The following EFNA5 variants were observed in gnomAD, a reference collection of about 807,000 sequenced individuals.
EFNA5 encodes ephrin-A5.
EFNA5 carries 5 observed loss-of-function variants against 22.9 expected under a neutral mutation model. The ratio of observed to expected loss-of-function variants is 0.22; its 90% CI spans 0.11 to 0.46. EFNA5 has a LOEUF of 0.46. Ranked by LOEUF, EFNA5 falls within the 20% of genes least tolerant of loss-of-function variation. The pLI is 0.99. For synonymous variants in EFNA5, 113 were observed against 112.2 expected (o/e 1.01, Z -0.04); for missense variants, 237 against 293.3 (o/e 0.81, Z 1.40).
At chr5:107,482,515 T>C (rs559635083) in intron 1 of EFNA5, among the ~76,000 whole-genome samples, 10 of 152,142 alleles carry the variant, frequency 6.6e-5, no homozygotes, top group Admixed American at 2.6e-4. Flanking sequence ...TATTCTCAGA[T>C]AAGACCCAGA....
At chr5:107,396,419 C>A (rs932869073) in intron 2 of EFNA5, among the ~76,000 whole-genome samples, 3 of 152,186 alleles carry the variant, frequency 2.0e-5, no homozygotes, top group African/African-American at 7.2e-5. Flanking sequence ...GTGATCCCTA[C>A]AGATCTAGAA....
chr5:107,377,404 C>A lies in EFNA5; in HGVS notation c.*3851G>T, dbSNP rs1483293857. ...AAGAGACACACAAAAAATAAACATA[C>A]TAAGTAAAAGGGGGGTGGTGTAGGC... On this transcript the variant is annotated 3_prime_UTR_variant, in exon 5 of 5. Coordinates refer to ENST00000333274, the MANE Select transcript of EFNA5 (RefSeq NM_001962.3). 6.6e-6 allele frequency: 1 copy of A among 151,400 alleles called. No homozygotes were observed. Among genetic ancestry groups the A allele is most frequent in the Non-Finnish European group, 1.5e-5 (1 of 67,910 alleles). 9.4% of individuals were successfully genotyped at this position (151,400 alleles called of 1,614,324 possible).
intron 1 of EFNA5, among the ~76,000 whole-genome samples, chr5:107,542,814 C>G (rs1748075128): frequency 6.6e-6 from 1 of 152,046 alleles, no homozygotes; most frequent in Admixed American, 6.6e-5. Flanking sequence ...AATATTAGTT[C>G]AATTGTTAGA....
At chr5:107,454,777 G>A (rs1320484390) in intron 1 of EFNA5, among the ~76,000 whole-genome samples, 1 of 152,078 alleles carries the variant, frequency 6.6e-6, no homozygotes, top group African/African-American at 2.4e-5. Flanking sequence ...GGCAGGGAGG[G>A]AATGAGGAAG....
At chr5:107,544,305 C>G (rs171671) in intron 1 of EFNA5, among the ~76,000 whole-genome samples, 151,278 of 152,276 alleles carry the variant, frequency 0.99, 75,143 homozygotes, top group East Asian at 1. Context: ...CAGCCCCACA[C>G]AGGGCTTTGA....
intron 1 of EFNA5, among the ~76,000 whole-genome samples, chr5:107,615,477 A>C (rs1047037768): frequency 6.6e-6 from 1 of 152,154 alleles, no homozygotes; most frequent in East Asian, 1.9e-4. Flanking sequence ...GCGCACTTAC[A>C]GTTTTGGATT....
At chr5:107,625,546 T>C (rs892353769) in intron 1 of EFNA5, among the ~76,000 whole-genome samples, 1 of 152,190 alleles carries the variant, frequency 6.6e-6, no homozygotes, top group African/African-American at 2.4e-5. Context: ...TAATTCCTTA[T>C]TAATTGGTGT....
chr5:107,546,144 G>T (rs1478516206), intron 1 of EFNA5, among the ~76,000 whole-genome samples: 1 of 152,160 alleles, frequency 6.6e-6, no homozygotes, highest in Non-Finnish European at 1.5e-5. Flanking sequence ...GAAGTGAGAA[G>T]CAGAAAAAGG....
Position 107,379,568 on chromosome 5 carries a change from G to A in EFNA5, c.*1687C>T, listed in dbSNP as rs1179799420. 1.5e-5 allele frequency: 1 copy of A among 67,778 alleles called. No homozygotes were observed. 4.2% of individuals were successfully genotyped at this position (67,778 alleles called of 1,614,324 possible). A position where few individuals can be genotyped will look rare whatever the true frequency, so the allele number is the denominator to read the frequency against. Reference sequence around the variant, plus strand: ...AAGCCAAAAAAAAAAAAAAAAAAAGGGCTGGATTGCTTTTCAATTGGTCTA... The same window carrying A: ...AAGCCAAAAAAAAAAAAAAAAAAAGAGCTGGATTGCTTTTCAATTGGTCTA... On this transcript the variant is annotated 3_prime_UTR_variant, in exon 5 of 5. Coordinates refer to ENST00000333274, the MANE Select transcript of EFNA5 (RefSeq NM_001962.3).
At chr5:107,483,022 G>A (rs1018003970) in intron 1 of EFNA5, among the ~76,000 whole-genome samples, 1 of 151,852 alleles carries the variant, frequency 6.6e-6, no homozygotes, top group African/African-American at 2.4e-5. Context: ...CATGAACCTC[G>A]GGAAAACAAT....
chr5:107,471,796 A>G (rs1289717203), intron 1 of EFNA5, among the ~76,000 whole-genome samples: 1 of 152,236 alleles, frequency 6.6e-6, no homozygotes, highest in African/African-American at 2.4e-5. Flanking sequence ...CTAATGAAAA[A>G]AGAATTTAAA....
chr5:107,466,240 T>C (rs993223526), intron 1 of EFNA5, among the ~76,000 whole-genome samples: 2 of 152,148 alleles, frequency 1.3e-5, no homozygotes, highest in African/African-American at 4.8e-5. Context: ...TTAGAGACAA[T>C]AGACGGCTCA....
chr5:107,593,538 G>A (rs910277504), intron 1 of EFNA5, among the ~76,000 whole-genome samples: 4 of 152,106 alleles, frequency 2.6e-5, no homozygotes, highest in Non-Finnish European at 5.9e-5. Flanking sequence ...GGGGCTCCAC[G>A]CTGGCTGCAC....
At chr5:107,670,453 C>T (rs1217623005) in intron 1 of EFNA5, 36 bp downstream of exon 1, 3 of 1,533,520 alleles carry the variant, frequency 2.0e-6, no homozygotes, top group South Asian at 2.4e-5. Context: ...CCCCGAGGCC[C>T]GGGTAGCCCT....
chr5:107,581,780 T>C (rs1240626541), intron 1 of EFNA5, among the ~76,000 whole-genome samples: 3 of 152,202 alleles, frequency 2.0e-5, no homozygotes, highest in Non-Finnish European at 4.4e-5. Context: ...AAACAGATCC[T>C]TTTATATCTT....
chr5:107,403,236 A>T lies in EFNA5; in HGVS notation c.419-15465T>A, dbSNP rs186902105. On this transcript the variant is annotated intron_variant, in intron 2 of 4. Transcript: ENST00000333274. Reference sequence around the variant, plus strand: ...GATTTCCACCAAAATGAGTTGCACAACTTGTGATCCCTTTGATGACCCGAG... The same window carrying T: ...GATTTCCACCAAAATGAGTTGCACATCTTGTGATCCCTTTGATGACCCGAG... 1.3e-3 allele frequency among the ~76,000 whole-genome samples: 192 copies of T among 152,322 alleles called. 1 individual carries two copies. Among genetic ancestry groups the T allele is most frequent in the African/African-American group, 4.5e-3 (187 of 41,576 alleles).
chr5:107,476,177 G>A (rs549425421), intron 1 of EFNA5, among the ~76,000 whole-genome samples: 51 of 148,618 alleles, frequency 3.4e-4, no homozygotes, highest in African/African-American at 1.0e-3. Context: ...TCAGCCTCCC[G>A]AGTAGCTGGG....
At chr5:107,668,565 T>C (rs1254620271) in intron 1 of EFNA5, among the ~76,000 whole-genome samples, 4 of 152,128 alleles carry the variant, frequency 2.6e-5, no homozygotes, top group African/African-American at 9.7e-5. Flanking sequence ...TCCAAATAAA[T>C]GAATGCCATG....
At chr5:107,570,688 T>C (rs1433677899) in intron 1 of EFNA5, among the ~76,000 whole-genome samples, 1 of 151,940 alleles carries the variant, frequency 6.6e-6, no homozygotes, top group Non-Finnish European at 1.5e-5. Flanking sequence ...ATTCTAATAG[T>C]AGAAAAAGAG....
Sources: allele counts gnomAD v4.1 joint callset (sites outside exome capture counted in the v4.1 genomes callset), GRCh38; gene constraint gnomAD v4.1.1; transcripts MANE v1.5; gene names NCBI Gene and HGNC (gene_info 2026-07-23, HGNC 2026-07-21).